CTNNA2: variants seen among roughly 807,000 people sequenced by gnomAD.
CTNNA2 encodes the protein catenin alpha 2, also known as catenin alpha-2.
A neutral mutation model predicts 101.0 loss-of-function variants in CTNNA2; 42 were observed. The observed-to-expected ratio is 0.42, with a 90% confidence interval of 0.32 to 0.54. The LOEUF is 0.54. Among genes scored for constraint, CTNNA2 ranks in the 20% least tolerant of loss-of-function variants. CTNNA2 has a pLI of 0.14. For synonymous variants in CTNNA2, 450 were observed against 456.4 expected (o/e 0.99, Z 0.18); for missense variants, 871 against 1,223.1 (o/e 0.71, Z 4.29).
intron 4 of CTNNA2, among the ~76,000 whole-genome samples, chr2:79,446,612 GAAAGGGTTCAGTGT>G (rs1678836186): frequency 6.6e-6 from 1 of 152,046 alleles, no homozygotes; most frequent in Non-Finnish European, 1.5e-5. Context: ...TGATGGTGGA[GAAAGGGTTCAGTGT>G]GTCTCCAACG....
chr2:79,754,009 CAGGAG>C (rs1364262871), intron 3 of CTNNA2, among the ~76,000 whole-genome samples: 1 of 151,652 alleles, frequency 6.6e-6, no homozygotes, highest in Non-Finnish European at 1.5e-5. Context: ...GCTGGGATTA[CAGGAG>C]TGTGCTACCA....
At chr2:80,332,196 A>T in intron 7 of CTNNA2, among the ~76,000 whole-genome samples, 1 of 152,178 alleles carries the variant, frequency 6.6e-6, no homozygotes, top group Non-Finnish European at 1.5e-5. Flanking sequence ...CCTTAAACAA[A>T]CAAACTCACT....
At chr2:80,105,920 C>G (rs1700858893) in intron 7 of CTNNA2, among the ~76,000 whole-genome samples, 1 of 152,154 alleles carries the variant, frequency 6.6e-6, no homozygotes, top group South Asian at 2.1e-4. Context: ...ACATTAGAGT[C>G]ACACATGTTC....
chr2:79,988,315 G>A (rs892355566), intron 7 of CTNNA2, among the ~76,000 whole-genome samples: 1 of 152,188 alleles, frequency 6.6e-6, no homozygotes, highest in African/African-American at 2.4e-5. Context: ...CATCGTGGAG[G>A]CCAGGTGCCT....
chr2:79,826,914 C>G (rs931825597), intron 3 of CTNNA2, among the ~76,000 whole-genome samples: 6 of 152,240 alleles, frequency 3.9e-5, no homozygotes, highest in Admixed American at 3.3e-4. Context: ...AGTCATTAAA[C>G]TGGCTTCGGA....
At chr2:80,334,901 C>G (rs1243491264) in intron 7 of CTNNA2, among the ~76,000 whole-genome samples, 1 of 152,172 alleles carries the variant, frequency 6.6e-6, no homozygotes, top group Non-Finnish European at 1.5e-5. Flanking sequence ...AATATCATTC[C>G]CTCAAAGGCA....
chr2:79,428,058 C>T (rs1468913253), intron 4 of CTNNA2, among the ~76,000 whole-genome samples: 1 of 152,112 alleles, frequency 6.6e-6, no homozygotes, highest in African/African-American at 2.4e-5. Context: ...TACCAAAACT[C>T]CTTAATGTCT....
chr2:80,474,802 C>T (rs540097481), intron 9 of CTNNA2, among the ~76,000 whole-genome samples: 84 of 152,102 alleles, frequency 5.5e-4, no homozygotes, highest in African/African-American at 1.8e-3. Context: ...GAAATAAAAC[C>T]GTGGTAGAAT....
chr2:79,543,163 ATATACTTT>A (rs994466082), intron 1 of CTNNA2, among the ~76,000 whole-genome samples: 3 of 152,148 alleles, frequency 2.0e-5, no homozygotes, highest in Non-Finnish European at 2.9e-5. Flanking sequence ...GATCTTTGAT[ATATACTTT>A]TACTATTTCG....
At chr2:80,057,803 G>A (rs1324306691) in intron 7 of CTNNA2, among the ~76,000 whole-genome samples, 5 of 152,136 alleles carry the variant, frequency 3.3e-5, no homozygotes, top group Admixed American at 3.3e-4. Context: ...GATTTCTTTT[G>A]TGTATTTTGG....
rs190111544 is a variant in CTNNA2, at chr2:79,731,677, T to A, written c.103-12710T>A. 1.5e-3 allele frequency among the ~76,000 whole-genome samples: 234 copies of A among 152,126 alleles called. 2 individuals are homozygous for A. Among genetic ancestry groups the A allele is most frequent in the African/African-American group, 5.1e-3 (213 of 41,518 alleles). ...GAGGCTTGGTAAGGATTTTAGTGAG[T>A]GGAAAATCTGGCTGGTTGTCCGTGA... On this transcript the variant is annotated intron_variant, in intron 2 of 18. Coordinates refer to ENST00000402739, the MANE Select transcript of CTNNA2 (RefSeq NM_001282597.3).
intron 2 of CTNNA2, among the ~76,000 whole-genome samples, chr2:79,715,884 G>C (rs1686064285): frequency 6.6e-6 from 1 of 151,974 alleles, no homozygotes; most frequent in Admixed American, 6.6e-5. Context: ...ATAGAGACCA[G>C]GTTACCTAAA....
In CTNNA2 at chr2:79,481,147, C is replaced by T. The variant is rs1671105563; in HGVS notation, c.-134-23907C>T. On this transcript the variant is annotated intron_variant, in intron 4 of 21. Coordinates refer to the CTNNA2 transcript ENST00000466387. Reference sequence around the variant, plus strand: ...TATGAATAAAGTGAATATTAAAGAGCAATTTTACCAGCCCTGATTAAAATG... The same window carrying T: ...TATGAATAAAGTGAATATTAAAGAGTAATTTTACCAGCCCTGATTAAAATG... 2.0e-5 allele frequency among the ~76,000 whole-genome samples: 3 copies of T among 152,130 alleles called. 1 individual carries two copies. In the South Asian group the frequency reaches 6.2e-4, roughly 32 times the overall value.
Position 80,271,258 on chromosome 2 carries a change from T to G in CTNNA2, c.1057-121953T>G, listed in dbSNP as rs187856872. Among the ~76,000 whole-genome samples, 442 of 152,286 alleles carry G rather than the reference T, an allele frequency of 2.9e-3. 7 individuals carry two copies. The highest frequency in any genetic ancestry group is 1.2e-3 in the Non-Finnish European group (84 of 68,022). ...TTTGTAACATATGTAGTGGTGGTGA[T>G]AGTGATATTAGGTTGGGGTATGTAT... On this transcript the variant is annotated intron_variant, in intron 7 of 18. Coordinates refer to ENST00000402739, the MANE Select transcript of CTNNA2 (RefSeq NM_001282597.3).
chr2:80,490,279 C>A (rs1376994518), intron 9 of CTNNA2, among the ~76,000 whole-genome samples: 2 of 54,904 alleles, frequency 3.6e-5, no homozygotes, highest in Admixed American at 2.8e-4. Context: ...CTTCCCCCCC[C>A]ACCCCCCCCC....
chr2:79,220,582 C>T (rs577281948), intron 2 of CTNNA2, among the ~76,000 whole-genome samples: 8 of 151,796 alleles, frequency 5.3e-5, no homozygotes, highest in East Asian at 3.9e-4. Flanking sequence ...GCAAGGAGGG[C>T]GATACAAGAT....
chr2:79,967,429 C>T lies in CTNNA2; in HGVS notation c.1056+57632C>T, dbSNP rs149917790. Among the ~76,000 whole-genome samples the T allele has an allele frequency of 4.1e-3, 626 of 152,260 alleles. 4 individuals carry two copies. The highest frequency in any genetic ancestry group is 7.0e-3 in the Non-Finnish European group (474 of 68,012). On this transcript the variant is annotated intron_variant, in intron 7 of 18. Transcript: ENST00000402739. ...AGGCTCACTAGCCCAACAAGTTTCACCTCCTCAACTAATGCAAGGGATTCT... is the reference window on the plus strand; with the variant it reads ...AGGCTCACTAGCCCAACAAGTTTCATCTCCTCAACTAATGCAAGGGATTCT...
At chr2:80,626,754 G>A (rs1050567419) in intron 18 of CTNNA2, among the ~76,000 whole-genome samples, 1 of 151,984 alleles carries the variant, frequency 6.6e-6, no homozygotes, top group Non-Finnish European at 1.5e-5. Flanking sequence ...TGGGGTACAT[G>A]TGCAGAACGT....
chr2:80,458,296 T>G (rs1574085652), intron 9 of CTNNA2, among the ~76,000 whole-genome samples: 1 of 152,306 alleles, frequency 6.6e-6, no homozygotes, highest in Admixed American at 6.5e-5. Context: ...ATTTTGTAGT[T>G]AATATGACCT....
Sources: gnomAD v4.1 joint callset for allele counts (sites outside exome capture counted in the v4.1 genomes callset) on GRCh38, gnomAD v4.1.1 for gene constraint, MANE v1.5 for transcripts, NCBI Gene and HGNC (gene_info 2026-07-23, HGNC 2026-07-21) for gene names.